The following UBE2E2 variants were observed in gnomAD, a reference collection of about 807,000 sequenced individuals.
The protein encoded by UBE2E2 is ubiquitin-conjugating enzyme E2 E2.
In UBE2E2, 6 loss-of-function variants were observed where a neutral mutation model predicts 24.7. That is an observed-to-expected ratio of 0.24 (90% CI 0.13 to 0.48). The LOEUF is 0.48. UBE2E2 is among the 20% of genes least tolerant of loss of function. UBE2E2 has a pLI of 0.99. For synonymous variants in UBE2E2, 104 were observed against 83.6 expected (o/e 1.24, Z -1.33); for missense variants, 169 against 245.0 (o/e 0.69, Z 2.07).
chr3:23,252,389 A>G (rs1436921420), intron 3 of UBE2E2, among the ~76,000 whole-genome samples: 1 of 152,204 alleles, frequency 6.6e-6, no homozygotes, highest in Non-Finnish European at 1.5e-5. Flanking sequence ...TAACACTATC[A>G]TTCAGCTTGC....
chr3:23,394,104 G>A (rs1697017347), intron 3 of UBE2E2, among the ~76,000 whole-genome samples: 1 of 152,194 alleles, frequency 6.6e-6, no homozygotes, highest in Non-Finnish European at 1.5e-5. Flanking sequence ...GTGCATAATG[G>A]ACAGATGTCT....
chr3:23,433,133 T>C (rs1157799262), intron 3 of UBE2E2, among the ~76,000 whole-genome samples: 1 of 151,938 alleles, frequency 6.6e-6, no homozygotes, highest in Non-Finnish European at 1.5e-5. Flanking sequence ...CAGAAAATAA[T>C]TATTGAATGT....
chr3:23,489,894 AT>A (rs1411717232), intron 3 of UBE2E2, among the ~76,000 whole-genome samples: 50 of 152,048 alleles, frequency 3.3e-4, no homozygotes, highest in Non-Finnish European at 3.5e-4. Flanking sequence ...GAGCCTTTTC[AT>A]TTTTCCTAAG....
At position 23,561,487 on chromosome 3, in the gene UBE2E2, G is replaced by C. The variant is rs1012014665; in HGVS notation, c.509-28247G>C. ...TTGGTTACTATGGCCTTGTAGTATA[G>C]TTTGAAGTCAGGTAGTGTGATGCCT... On this transcript the variant is annotated intron_variant, in intron 5 of 5. Coordinates refer to ENST00000396703, the MANE Select transcript of UBE2E2 (RefSeq NM_152653.4). Among the ~76,000 whole-genome samples the C allele has an allele frequency of 3.9e-5, 6 of 152,276 alleles. No homozygotes were observed. The East Asian group carries it at 9.6e-4, about 24-fold the overall frequency.
At chr3:23,342,480 G>A (rs1695422346) in intron 3 of UBE2E2, among the ~76,000 whole-genome samples, 1 of 152,108 alleles carries the variant, frequency 6.6e-6, no homozygotes, top group Admixed American at 6.5e-5. Context: ...TCTCTTCCGT[G>A]CTTATAAACA....
chr3:23,261,405 C>G (rs1048407304), intron 3 of UBE2E2, among the ~76,000 whole-genome samples: 5 of 151,986 alleles, frequency 3.3e-5, no homozygotes, highest in Non-Finnish European at 7.4e-5. Context: ...GTGAAACTTA[C>G]CGTAACCAAG....
rs184997219 is a variant in UBE2E2 at position 23,463,034 on chromosome 3, A to G, written c.228-36574A>G. Among the ~76,000 whole-genome samples, 11 of 152,302 alleles carry G rather than the reference A, an allele frequency of 7.2e-5. No individual in the cohort carries two copies. In the East Asian group the frequency reaches 2.1e-3, roughly 29 times the overall value. ...ATTATGACAATAGGTTCATATTACA[A>G]ATTAGATGGTTAAGGCCTTATGGGT... On this transcript the variant is annotated intron_variant, in intron 3 of 5. Coordinates refer to ENST00000396703, the MANE Select transcript of UBE2E2 (RefSeq NM_152653.4).
intron 5 of UBE2E2, among the ~76,000 whole-genome samples, chr3:23,550,572 G>A (rs916705353): frequency 1.3e-5 from 2 of 152,134 alleles, no homozygotes; most frequent in Admixed American, 6.5e-5. Flanking sequence ...AGTTAAGATG[G>A]GAGTGAAACT....
intron 3 of UBE2E2, among the ~76,000 whole-genome samples, chr3:23,244,313 G>A (rs1697330337): frequency 6.6e-6 from 1 of 151,918 alleles, no homozygotes; most frequent in South Asian, 2.1e-4. Context: ...ATTCATATTT[G>A]CATACATTAT....
intron 5 of UBE2E2, among the ~76,000 whole-genome samples, chr3:23,540,652 C>T (rs1242706298): frequency 1.3e-5 from 2 of 152,164 alleles, no homozygotes; most frequent in Admixed American, 6.5e-5. Context: ...ATCCTCCTGC[C>T]TTGGCCTCCC....
chr3:23,376,376 T>A (rs2125345518), intron 3 of UBE2E2, among the ~76,000 whole-genome samples: 1 of 152,270 alleles, frequency 6.6e-6, no homozygotes, highest in Non-Finnish European at 1.5e-5. Flanking sequence ...CAAAGAGAAT[T>A]TTTTCCTTAG....
intron 3 of UBE2E2, among the ~76,000 whole-genome samples, chr3:23,303,867 C>T (rs935854896): frequency 1.3e-5 from 2 of 152,168 alleles, no homozygotes; most frequent in African/African-American, 2.4e-5. Flanking sequence ...GGGCTCTCCT[C>T]ATAGGAATTA....
intron 3 of UBE2E2, among the ~76,000 whole-genome samples, chr3:23,491,973 T>C (rs1425989591): frequency 6.6e-6 from 1 of 152,190 alleles, no homozygotes; most frequent in Non-Finnish European, 1.5e-5. Context: ...TGGTCAAGGA[T>C]GACTCTCAGA....
chr3:23,488,358 G>A (rs566988100), intron 3 of UBE2E2, among the ~76,000 whole-genome samples: 2 of 152,068 alleles, frequency 1.3e-5, no homozygotes, highest in Admixed American at 6.5e-5. Flanking sequence ...CCTCCGCTAA[G>A]CCCCCTACCG....
At chr3:23,548,028 ACT>A (rs1248413414) in intron 5 of UBE2E2, among the ~76,000 whole-genome samples, 2 of 151,836 alleles carry the variant, frequency 1.3e-5, no homozygotes, top group African/African-American at 4.8e-5. Context: ...TTAGCATTAG[ACT>A]CTCTCCTCTG....
intron 3 of UBE2E2, among the ~76,000 whole-genome samples, chr3:23,498,121 CTT>C (rs1161565306): frequency 6.6e-6 from 1 of 151,898 alleles, no homozygotes; most frequent in Non-Finnish European, 1.5e-5. Context: ...TTAATAGAGT[CTT>C]TTTTTAGTTG....
At chr3:23,358,860 G>A (rs1456949641) in intron 3 of UBE2E2, among the ~76,000 whole-genome samples, 1 of 152,222 alleles carries the variant, frequency 6.6e-6, no homozygotes, top group Non-Finnish European at 1.5e-5. Context: ...TATTTATTAT[G>A]TGTAGTATCT....
intron 3 of UBE2E2, among the ~76,000 whole-genome samples, chr3:23,364,380 G>T (rs947161038): frequency 6.6e-6 from 1 of 151,952 alleles, no homozygotes; most frequent in African/African-American, 2.4e-5. Flanking sequence ...TGCCACTAGC[G>T]AGACTAATAG....
intron 3 of UBE2E2, among the ~76,000 whole-genome samples, chr3:23,382,178 A>ATTTTTTT (rs10645761): frequency 2.4e-4 from 27 of 110,798 alleles, no homozygotes; most frequent in East Asian, 5.0e-4. Flanking sequence ...GAATACTTTA[A>ATTTTTTT]TTTTTTTTTT....
Sources: allele counts gnomAD v4.1 joint callset (sites outside exome capture counted in the v4.1 genomes callset), GRCh38; gene constraint gnomAD v4.1.1; transcripts MANE v1.5; gene names NCBI Gene and HGNC (gene_info 2026-07-23, HGNC 2026-07-21).